The following CDK17 variants were observed in gnomAD, a reference collection of about 807,000 sequenced individuals.
The protein encoded by CDK17 is cyclin dependent kinase 17, also known as cyclin-dependent kinase 17.
A neutral mutation model predicts 77.6 loss-of-function variants in CDK17; 24 were observed. The ratio of observed to expected loss-of-function variants is 0.31; its 90% CI spans 0.22 to 0.44. The LOEUF (loss-of-function observed/expected upper bound fraction) is 0.44. Ranked by LOEUF, CDK17 falls within the 20% of genes least tolerant of loss-of-function variation. CDK17 has a pLI of 1.00. For missense variants in CDK17, 429 were observed against 622.5 expected, an observed-to-expected ratio of 0.69 and a Z score of 3.31; for synonymous variants, 203 against 210.4, an observed-to-expected ratio of 0.96 and a Z score of 0.30.
chr12:96,345,595 G>C (rs142654497), intron 1 of CDK17, among the ~76,000 whole-genome samples: 8 of 152,252 alleles, frequency 5.3e-5, no homozygotes, highest in African/African-American at 1.7e-4. Flanking sequence ...TTATAAATCT[G>C]CTGCTGGGCA....
intron 1 of CDK17, among the ~76,000 whole-genome samples, chr12:96,380,449 C>T (rs971189333): frequency 3.3e-5 from 5 of 151,722 alleles, no homozygotes; most frequent in African/African-American, 7.3e-5. Flanking sequence ...CCACCACGCC[C>T]GGCTAATTTT....
chr12:96,290,105 CTGGGCCATATATGGCCCA>C (rs1332654971), intron 10 of CDK17, among the ~76,000 whole-genome samples: 5 of 152,238 alleles, frequency 3.3e-5, no homozygotes, highest in Admixed American at 1.3e-4. Flanking sequence ...CAAAGCCATC[CTGGGCCATATATGGCCCA>C]TGGGCCATGG....
chr12:96,298,995 AT>A lies in CDK17; in HGVS notation c.601-13del. On this transcript the variant is annotated splice_polypyrimidine_tract_variant and intron_variant, in intron 6 of 16. Transcript: ENST00000261211. ...GTTGCATATGTACCCTATAAAATAT[AT>A]TTTTAAAGGACGCATCAAAAGTATC... 1.5e-6 allele frequency: 2 copies of A among 1,304,756 alleles called. No homozygotes were observed. The highest frequency in any genetic ancestry group is 1.5e-5 in the African/African-American group (1 of 68,040). The allele number at this position is 1,304,756 out of a possible 1,614,324, so 80.8% of individuals were successfully genotyped here.
chr12:96,289,895 T>C (rs533924779), intron 10 of CDK17, among the ~76,000 whole-genome samples: 8 of 152,342 alleles, frequency 5.3e-5, no homozygotes, highest in Admixed American at 6.5e-5. Context: ...ACAGACTTCA[T>C]TGTCCTTGGA....
intron 1 of CDK17, chr12:96,335,353 C>T (rs555962222): frequency 1.3e-5 from 3 of 239,174 alleles, no homozygotes; most frequent in Non-Finnish European, 2.5e-5. Context: ...TACGCTCTTA[C>T]ACAGCCAGTA....
intron 3 of CDK17, among the ~76,000 whole-genome samples, chr12:96,316,572 GA>G (rs1370699449): frequency 1.4e-5 from 2 of 146,926 alleles, no homozygotes; most frequent in African/African-American, 5.0e-5. Flanking sequence ...CAGCTTTGAA[GA>G]GAGCAGTGGT....
intron 1 of CDK17, among the ~76,000 whole-genome samples, chr12:96,396,586 G>C (rs958716690): frequency 5.9e-5 from 9 of 152,140 alleles, no homozygotes; most frequent in African/African-American, 1.9e-4. Context: ...TTTAAATACC[G>C]ATTTCCTGTT....
chr12:96,360,927 A>G (rs1203511995), intron 1 of CDK17, among the ~76,000 whole-genome samples: 1 of 152,238 alleles, frequency 6.6e-6, no homozygotes, highest in African/African-American at 2.4e-5. Flanking sequence ...CTAACCAGGA[A>G]AATTGGAGAA....
chr12:96,392,757 G>A (rs1420834876), intron 1 of CDK17, among the ~76,000 whole-genome samples: 5 of 152,122 alleles, frequency 3.3e-5, no homozygotes, highest in African/African-American at 4.8e-5. Flanking sequence ...CAGAAAAAGA[G>A]GTCTAGATTA....
At position 96,280,043 on chromosome 12, in the gene CDK17, G is replaced by A. The variant is rs1029900238; in HGVS notation, c.*199C>T. 9 of 504,910 alleles carry A rather than the reference G, an allele frequency of 1.8e-5. No homozygotes were observed. Among genetic ancestry groups the A allele is most frequent in the East Asian group, 6.6e-5 (2 of 30,140 alleles). 31.3% of individuals were successfully genotyped at this position (504,910 alleles called of 1,614,324 possible). ...TAATGGCAGAGAAGACCTTAAAACC[G>A]ACTGTACAAAAAATTGTCACACTGT... On this transcript the variant is annotated 3_prime_UTR_variant, in exon 17 of 17. Transcript: ENST00000261211.
chr12:96,353,813 A>G (rs1565832868), intron 1 of CDK17, among the ~76,000 whole-genome samples: 1 of 152,154 alleles, frequency 6.6e-6, no homozygotes, highest in Admixed American at 6.5e-5. Context: ...TAGTAACCAT[A>G]ATCAAAATTA....
At chr12:96,342,216 G>C (rs1953132601) in intron 1 of CDK17, among the ~76,000 whole-genome samples, 1 of 152,100 alleles carries the variant, frequency 6.6e-6, no homozygotes, top group African/African-American at 2.4e-5. Context: ...TGTAAAAAAA[G>C]TGAACTCATT....
At chr12:96,348,523 C>CAAAAAAAAAAAAAAAA (rs35363324) in intron 1 of CDK17, among the ~76,000 whole-genome samples, 1 of 66,372 alleles carries the variant, frequency 1.5e-5, no homozygotes, top group African/African-American at 7.3e-5. Flanking sequence ...GACTCTGTCT[C>CAAAAAAAAAAAAAAAA]AAAAAAAAAA....
chr12:96,363,927 A>G (rs1330845375), intron 1 of CDK17, among the ~76,000 whole-genome samples: 3 of 152,248 alleles, frequency 2.0e-5, no homozygotes. Flanking sequence ...GCGAGAAGGC[A>G]ACCAAGTAGC....
chr12:96,345,175 T>C (rs903752576), intron 1 of CDK17, among the ~76,000 whole-genome samples: 1 of 152,254 alleles, frequency 6.6e-6, no homozygotes, highest in Non-Finnish European at 1.5e-5. Flanking sequence ...TTTTTGTGGC[T>C]GAATAGTATT....
chr12:96,363,032 T>C (rs1953520643), intron 1 of CDK17, among the ~76,000 whole-genome samples: 1 of 152,152 alleles, frequency 6.6e-6, no homozygotes. Flanking sequence ...CTTAAAAAAA[T>C]ACTTGAAGGG....
chr12:96,399,796 T>C (rs1954229410), intron 1 of CDK17, among the ~76,000 whole-genome samples, 190 bp downstream of exon 1: 2 of 151,690 alleles, frequency 1.3e-5, no homozygotes, highest in Non-Finnish European at 2.9e-5. Flanking sequence ...AGGTCCTCGC[T>C]GGACCGGAGA....
intron 6 of CDK17, among the ~76,000 whole-genome samples, chr12:96,299,680 C>T (rs1439747282): frequency 6.6e-5 from 10 of 152,174 alleles, no homozygotes; most frequent in Admixed American, 5.9e-4. Flanking sequence ...TGAGCCACCG[C>T]GCCCGGCAAT....
intron 3 of CDK17, among the ~76,000 whole-genome samples, chr12:96,315,348 A>G (rs757756825): frequency 6.6e-6 from 1 of 152,242 alleles, no homozygotes; most frequent in Non-Finnish European, 1.5e-5. Flanking sequence ...ATTAATATTC[A>G]TAAGCAGTTG....
Sources: gnomAD v4.1 joint callset for allele counts (sites outside exome capture counted in the v4.1 genomes callset) on GRCh38, gnomAD v4.1.1 for gene constraint, MANE v1.5 for transcripts, NCBI Gene and HGNC (gene_info 2026-07-23, HGNC 2026-07-21) for gene names.